The following PRKX variants were observed in gnomAD, a reference collection of about 807,000 sequenced individuals.
The protein encoded by PRKX is protein kinase cAMP-dependent X-linked catalytic subunit.
Under a neutral mutation model 22.0 loss-of-function variants are expected in PRKX, and 12 were observed. That is an observed-to-expected ratio of 0.54 (90% confidence interval 0.35 to 0.88). The LOEUF is 0.88. PRKX is among the 40% of genes least tolerant of loss of function. The probability of loss-of-function intolerance (pLI) is 0.01; values close to 1 mark genes in which losing one functional copy is unlikely to be tolerated. For missense variants in PRKX, 217 were observed against 308.0 expected (o/e 0.70, Z 2.21); for synonymous variants, 134 against 137.7 (o/e 0.97, Z 0.19).
chrX:3,693,708 C>A lies in PRKX; in HGVS notation c.167-18942G>T, dbSNP rs187327257. Among the ~76,000 whole-genome samples, 387 of 109,348 alleles carry A rather than the reference C, an allele frequency of 3.5e-3. 1 individual carries two copies. The highest frequency in any genetic ancestry group is 5.4e-3 in the Non-Finnish European group (283 of 52,582). The allele number at this position is 109,348 out of a possible 115,157, so 95.0% of individuals were successfully genotyped here. A position where few individuals can be genotyped will look rare whatever the true frequency, so the allele number is the denominator to read the frequency against. On this transcript the variant is annotated intron_variant, in intron 1 of 8. Coordinates refer to ENST00000262848, the MANE Select transcript of PRKX (RefSeq NM_005044.5). The stretch of plus-strand genomic sequence containing the variant: ...ATCCCAGCACTTTGGGAGGCTGAGG[C>A]GGACGGATCACGAGGTCAGGAGATA...
rs1484487734 is a variant in PRKX, at chrX:3,647,953, T to G, written c.600-5982A>C. The stretch of plus-strand genomic sequence containing the variant: ...TATGATTTGGAAGAATCTAGGGCCC[T>G]CCTACAAGTAGAATCACACGACATG... On this transcript the variant is annotated intron_variant, in intron 3 of 8. Transcript: ENST00000262848. Among the ~76,000 whole-genome samples, 3 of 111,280 alleles carry G rather than the reference T, an allele frequency of 2.7e-5. No individual in the cohort carries two copies. In the East Asian group the frequency reaches 8.4e-4, roughly 31 times the overall value.
At chrX:3,709,424 G>A (rs1928745764) in intron 1 of PRKX, among the ~76,000 whole-genome samples, 1 of 111,162 alleles carries the variant, frequency 9.0e-6, no homozygotes, top group Non-Finnish European at 1.9e-5. Flanking sequence ...CATCGTCATC[G>A]TGTAGGACAG....
At chrX:3,624,510 T>C (rs189438333) in intron 5 of PRKX, among the ~76,000 whole-genome samples, 1 of 111,508 alleles carries the variant, frequency 9.0e-6, no homozygotes, top group East Asian at 2.8e-4. Context: ...GACCAGACTT[T>C]GATTACGCTT....
Position 3,655,333 on chromosome X carries a change from G to A in PRKX, c.415C>T (p.Arg139Cys). ...VPGGELFSYL[R>C]NRGRFSSTTG... ...GTGCTGGAGAAGCGCCCCCGGTTGC[G>A]CAGGTAGCTGAAGAGCTCGCCGCCC... is the stretch of plus-strand genomic sequence containing the variant. Residue 139 changes from arginine to cysteine, a missense_variant, in exon 3 of 9, where the codon CGC (arginine) becomes TGC (cysteine). By Grantham distance (180) the Arg-to-Cys change is radical (BLOSUM62 -3). Coordinates refer to ENST00000262848, the MANE Select transcript of PRKX (RefSeq NM_005044.5). The A allele has an allele frequency of 4.1e-6, 5 of 1,212,215 alleles. No homozygotes were observed. The highest frequency in any genetic ancestry group is 5.6e-6 in the Non-Finnish European group (5 of 895,633).
At chrX:3,700,686 C>G (rs745765948) in intron 1 of PRKX, among the ~76,000 whole-genome samples, 2 of 111,318 alleles carry the variant, frequency 1.8e-5, no homozygotes, top group East Asian at 2.8e-4. Flanking sequence ...TCAAGTGATC[C>G]TCCCACCTCG....
In PRKX at chrX:3,713,418, G is replaced by C; in HGVS notation, c.-165C>G. 2.7e-6 allele frequency: 1 copy of C among 367,361 alleles called. No homozygotes were observed. The highest frequency in any genetic ancestry group is 4.2e-6 in the Non-Finnish European group (1 of 238,892). 30.3% of individuals were successfully genotyped at this position (367,361 alleles called of 1,213,427 possible). ...GGTCCGGCGCGGCTGACGGAGCGACGGGGACAATGGCTGGGCGGCGCTCAC... is the reference window on the plus strand; with the variant it reads ...GGTCCGGCGCGGCTGACGGAGCGACCGGGACAATGGCTGGGCGGCGCTCAC... On this transcript the variant is annotated 5_prime_UTR_variant, in exon 1 of 9. Coordinates refer to ENST00000262848, the MANE Select transcript of PRKX (RefSeq NM_005044.5).
rs1926134282 is a variant in PRKX, at chrX:3,605,025, ACACACACAC to A, written c.*3935_*3943del. 9.8e-6 allele frequency: 1 copy of A among 101,758 alleles called. No individual in the cohort carries two copies. The highest frequency in any genetic ancestry group is 1.1e-4 in the Admixed American group (1 of 9,451). 8.4% of individuals were successfully genotyped at this position (101,758 alleles called of 1,213,427 possible). ...CACCTTCACCAAGACACACACACACACACACACACACACACACACACACACACACACACA... is the reference window on the plus strand; with the variant it reads ...CACCTTCACCAAGACACACACACACAACACACACACACACACACACACACA... On this transcript the variant is annotated 3_prime_UTR_variant, in exon 9 of 9. Transcript: ENST00000262848.
rs776391522 is a variant in PRKX, at chrX:3,621,329, A to C, written c.816-13T>G. 3 of 1,186,731 alleles carry C rather than the reference A, an allele frequency of 2.5e-6. No individual in the cohort carries two copies. The South Asian group carries it at 5.4e-5, about 21-fold the overall frequency. ...CTTAATGAGGTCTCTATGTTGGGGA[A>C]GGAGACAAAAAAAAAAAAAGTACAC... On this transcript the variant is annotated splice_polypyrimidine_tract_variant and intron_variant, in intron 5 of 8. Transcript: ENST00000262848.
intron 1 of PRKX, among the ~76,000 whole-genome samples, chrX:3,688,787 T>C (rs775298984): frequency 6.4e-5 from 7 of 108,873 alleles, no homozygotes; most frequent in Non-Finnish European, 9.5e-5. Context: ...GAGAATTGCT[T>C]GAGCCCGGGA....
rs1927913444 is a variant in PRKX, at chrX:3,674,689, T to G, written c.244A>C (p.Ile82Leu). The change falls in exon 2 of 9, where the codon ATT (isoleucine) becomes CTT (leucine). Residue 82 changes from isoleucine to leucine, a missense_variant. Ile to Leu is a conservative substitution (Grantham distance 5). Coordinates refer to ENST00000262848, the MANE Select transcript of PRKX (RefSeq NM_005044.5). Reference sequence around the variant, plus strand: ...TGCTTTAGGCGGATGACGTCGGGAATGCTCATCACCTTGAGGGCGAAGAAA... The same window carrying G: ...TGCTTTAGGCGGATGACGTCGGGAAGGCTCATCACCTTGAGGGCGAAGAAA... ...KHFFALKVMS[I>L]PDVIRLKQEQ... 8.3e-6 allele frequency: 10 copies of G among 1,211,348 alleles called. No homozygotes were observed. The highest frequency in any genetic ancestry group is 1.1e-5 in the Non-Finnish European group (10 of 895,011).
chrX:3,661,701 C>A (rs940461433), intron 2 of PRKX, among the ~76,000 whole-genome samples: 6 of 111,775 alleles, frequency 5.4e-5, no homozygotes, highest in African/African-American at 2.0e-4. Context: ...TTTACTATCT[C>A]CAAAAAACAT....
At position 3,713,257 on chromosome X, in the gene PRKX, G is replaced by A. The variant is rs1380447124; in HGVS notation, c.-4C>T. On this transcript the variant is annotated 5_prime_UTR_variant, in exon 1 of 9. Coordinates refer to ENST00000262848, the MANE Select transcript of PRKX (RefSeq NM_005044.5). ...GGGCCAGCCCGGGCGCCTCCATGGG[G>A]ACGCACTCAGGTCCGGGGCACCGGG... 7 of 1,032,410 alleles carry A rather than the reference G, an allele frequency of 6.8e-6. No individual in the cohort carries two copies. In the South Asian group the frequency reaches 2.0e-4, roughly 30 times the overall value. 85.1% of individuals were successfully genotyped at this position (1,032,410 alleles called of 1,213,427 possible). A position where few individuals can be genotyped will look rare whatever the true frequency, so the allele number is the denominator to read the frequency against.
chrX:3,705,296 A>ATG (rs1928659700), intron 1 of PRKX, among the ~76,000 whole-genome samples: 1 of 111,487 alleles, frequency 9.0e-6, no homozygotes, highest in Admixed American at 9.5e-5. Context: ...CCCTTTTATA[A>ATG]GGACATTGAT....
intron 5 of PRKX, among the ~76,000 whole-genome samples, chrX:3,623,705 G>A (rs370331345): frequency 1.8e-5 from 2 of 111,194 alleles, no homozygotes; most frequent in African/African-American, 6.5e-5. Flanking sequence ...CCTTGACCCC[G>A]GGATAAGCGA....
At position 3,682,934 on chromosome X, in the gene PRKX, G is replaced by A. The variant is rs754917344; in HGVS notation, c.167-8168C>T. ...GAGTGGACCCTAAACACAATGACGGGTGTTCCTGTAAGAGAAGAAGAGAAG... is the reference window on the plus strand; with the variant it reads ...GAGTGGACCCTAAACACAATGACGGATGTTCCTGTAAGAGAAGAAGAGAAG... On this transcript the variant is annotated intron_variant, in intron 1 of 8. Transcript: ENST00000262848. Among the ~76,000 whole-genome samples the A allele has an allele frequency of 6.4e-5, 7 of 109,466 alleles. No homozygotes were observed. The East Asian group carries it at 1.8e-3, about 29-fold the overall frequency.
At chrX:3,701,814 T>C (rs2146612201) in intron 1 of PRKX, among the ~76,000 whole-genome samples, 1 of 111,778 alleles carries the variant, frequency 8.9e-6, no homozygotes, top group African/African-American at 3.3e-5. Context: ...CTGGTTGTCC[T>C]CACTGCTACA....
intron 4 of PRKX, among the ~76,000 whole-genome samples, chrX:3,637,351 G>A (rs1569045621): frequency 9.0e-6 from 1 of 111,328 alleles, no homozygotes; most frequent in Non-Finnish European, 1.9e-5. Context: ...AGCAACAAGC[G>A]GGCTCCCAGG....
At chrX:3,613,854 CAAA>C (rs1205221732) in intron 7 of PRKX, among the ~76,000 whole-genome samples, 56 of 39,417 alleles carry the variant, frequency 1.4e-3, no homozygotes, top group South Asian at 5.0e-3. Context: ...GACTCCATCT[CAAA>C]AAAAAAAAAA....
In PRKX at chrX:3,621,420, C is replaced by A. The variant is rs1175403198; in HGVS notation, c.816-104G>T. ...AGATAAGATCTATCTGACATGAGGA[C>A]CGCAGTTCAATTTCCACTTTGGCAA... On this transcript the variant is annotated intron_variant, in intron 5 of 8. Coordinates refer to ENST00000262848, the MANE Select transcript of PRKX (RefSeq NM_005044.5). 1.9e-5 allele frequency: 14 copies of A among 721,504 alleles called. No individual in the cohort carries two copies. In the Admixed American group the frequency reaches 3.8e-4, roughly 20 times the overall value. 59.5% of individuals were successfully genotyped at this position (721,504 alleles called of 1,213,427 possible).
Sources: gnomAD v4.1 joint callset for allele counts (sites outside exome capture counted in the v4.1 genomes callset) on GRCh38, gnomAD v4.1.1 for gene constraint, MANE v1.5 for transcripts, NCBI Gene and HGNC (gene_info 2026-07-23, HGNC 2026-07-21) for gene names.